The following FMN2 variants were observed in gnomAD, a reference collection of about 807,000 sequenced individuals.
FMN2 encodes the protein formin 2, also known as formin-2.
FMN2 carries 51 observed loss-of-function variants against 142.3 expected under a neutral mutation model. The ratio of observed to expected loss-of-function variants is 0.36; its 90% confidence interval spans 0.29 to 0.45. FMN2 has a LOEUF of 0.45. FMN2 is among the 20% of genes least tolerant of loss of function. The probability of loss-of-function intolerance (pLI) is 1.00; values close to 1 mark genes in which losing one functional copy is unlikely to be tolerated. For missense variants in FMN2, 1,936 were observed against 2,122.8 expected (o/e 0.91, Z 1.73); for synonymous variants, 882 against 869.8 (o/e 1.01, Z -0.25).
chr1:240,179,808 C>T (rs1388636587), intron 3 of FMN2, among the ~76,000 whole-genome samples: 2 of 152,240 alleles, frequency 1.3e-5, no homozygotes, highest in East Asian at 3.9e-4. Flanking sequence ...ATGGAGAGCC[C>T]TTTTATCCCA....
intron 2 of FMN2, among the ~76,000 whole-genome samples, chr1:240,159,256 G>A (rs1664158491): frequency 6.6e-6 from 1 of 151,822 alleles, no homozygotes; most frequent in Admixed American, 6.6e-5. Flanking sequence ...TGATACGCTG[G>A]GGTTTAAAGT....
chr1:240,165,631 AT>A (rs71170711), intron 2 of FMN2, among the ~76,000 whole-genome samples: 20,984 of 139,636 alleles, frequency 0.15, 2,410 homozygotes, highest in African/African-American at 0.34. Flanking sequence ...CCATTTTTCT[AT>A]TTTTTTTTTT....
intron 15 of FMN2, among the ~76,000 whole-genome samples, chr1:240,414,225 A>G (rs909332047): frequency 5.3e-5 from 8 of 152,150 alleles, no homozygotes; most frequent in Middle Eastern, 3.2e-3. Context: ...TTTTGTATCT[A>G]TATCTAAGAT....
intron 7 of FMN2, among the ~76,000 whole-genome samples, chr1:240,293,528 A>G (rs550056892): frequency 6.6e-6 from 1 of 152,266 alleles, no homozygotes; most frequent in East Asian, 1.9e-4. Context: ...TATCACAGCA[A>G]AATTATTAGC....
intron 2 of FMN2, among the ~76,000 whole-genome samples, chr1:240,131,660 G>A (rs987920460): frequency 6.6e-6 from 1 of 151,990 alleles, no homozygotes; most frequent in East Asian, 1.9e-4. Context: ...AGTGAGCCAA[G>A]ATCGCACTAT....
chr1:240,159,813 G>A (rs1033533891), intron 2 of FMN2, among the ~76,000 whole-genome samples: 36 of 150,536 alleles, frequency 2.4e-4, no homozygotes, highest in African/African-American at 8.3e-4. Context: ...TGGTATGAAT[G>A]TTTTTGCTCT....
At chr1:240,223,435 C>T (rs771529450) in intron 6 of FMN2, among the ~76,000 whole-genome samples, 12 of 152,074 alleles carry the variant, frequency 7.9e-5, no homozygotes, top group Non-Finnish European at 1.3e-4. Context: ...GGATATTGGC[C>T]TGAAATTTTT....
chr1:240,252,295 A>C lies in FMN2; in HGVS notation c.4066-5650A>C, dbSNP rs898552690. On this transcript the variant is annotated intron_variant, in intron 6 of 17. Transcript: ENST00000319653. ...CATCATTGTGGTTTTGTAGTTTTCT[A>C]TAGTGGCAACATTTGGATCCTTCCT... is the stretch of plus-strand genomic sequence containing the variant. Among the ~76,000 whole-genome samples the C allele has an allele frequency of 1.1e-4, 16 of 152,136 alleles. No individual in the cohort carries two copies. In the South Asian group the frequency reaches 1.7e-3, roughly 16 times the overall value.
intron 8 of FMN2, among the ~76,000 whole-genome samples, chr1:240,309,751 G>C (rs1371158282): frequency 6.6e-6 from 1 of 152,108 alleles, no homozygotes; most frequent in African/African-American, 2.4e-5. Flanking sequence ...AAGGGGGACC[G>C]GGAGCTGCTG....
Position 240,207,194 on chromosome 1 carries a change from A to G in FMN2, c.2382A>G (p.Ile794Met). 2.5e-6 allele frequency: 4 copies of G among 1,613,980 alleles called. No homozygotes were observed. The highest frequency in any genetic ancestry group is 3.4e-6 in the Non-Finnish European group (4 of 1,179,938). The change falls in exon 5 of 18, where the codon ATA (isoleucine) becomes ATG (methionine). Residue 794 changes from isoleucine (I) to methionine (M), a missense_variant. Physicochemically the swap from Ile to Met is conservative, Grantham distance 10. This residue lies in a region of FMN2 where 478 missense variants were observed against 462.8 expected (regional missense o/e 1.03). Transcript: ENST00000319653. ...EISLIVSPRR[I>M]SVQLDSHQPT... is the part of the protein sequence containing the mutation. ...CTTTGATTGTGTCTCCAAGGCGAATATCAGTCCAGCTCGACAGCCATCAGC... is the reference window on the plus strand; with the variant it reads ...CTTTGATTGTGTCTCCAAGGCGAATGTCAGTCCAGCTCGACAGCCATCAGC...
intron 4 of FMN2, among the ~76,000 whole-genome samples, chr1:240,197,437 A>G (rs1266858759): frequency 6.6e-6 from 1 of 152,074 alleles, no homozygotes; most frequent in South Asian, 2.1e-4. Flanking sequence ...TCCTGGATTT[A>G]TAGCCAGTTG....
At chr1:240,170,937 G>A in intron 2 of FMN2, 1 of 789,200 alleles carries the variant, frequency 1.3e-6, no homozygotes, top group Non-Finnish European at 2.3e-6. Context: ...TGCTCATTGA[G>A]CGGACTGATG....
chr1:240,255,255 T>A (rs1668412348), intron 6 of FMN2, among the ~76,000 whole-genome samples: 1 of 152,176 alleles, frequency 6.6e-6, no homozygotes, highest in African/African-American at 2.4e-5. Flanking sequence ...ATGTTCTCTC[T>A]TATGTGATCT....
At chr1:240,381,197 A>C (rs1449383808) in intron 14 of FMN2, among the ~76,000 whole-genome samples, 1 of 152,188 alleles carries the variant, frequency 6.6e-6, no homozygotes, top group South Asian at 2.1e-4. Context: ...TCAGGCTAGA[A>C]CACAACAACA....
intron 14 of FMN2, among the ~76,000 whole-genome samples, chr1:240,389,726 A>G (rs958199232): frequency 6.6e-6 from 1 of 152,142 alleles, no homozygotes; most frequent in Admixed American, 6.6e-5. Flanking sequence ...CCGAGACGGA[A>G]GGATTGCTTG....
intron 15 of FMN2, 93 bp downstream of exon 15, chr1:240,392,655 T>G: frequency 9.8e-7 from 1 of 1,018,256 alleles, no homozygotes; most frequent in South Asian, 1.7e-5. Context: ...AATTTTAATT[T>G]TCAAGCATAA....
intron 15 of FMN2, among the ~76,000 whole-genome samples, chr1:240,399,768 C>A (rs1395387869): frequency 2.6e-5 from 4 of 152,016 alleles, no homozygotes; most frequent in Admixed American, 2.6e-4. Context: ...GGCCCCAGTG[C>A]TTCCACTCTA....
intron 4 of FMN2, among the ~76,000 whole-genome samples, chr1:240,201,682 A>G (rs73112892): frequency 0.03 from 4,504 of 152,316 alleles, 233 homozygotes; most frequent in African/African-American, 0.1. Context: ...AAATTGTTTT[A>G]AATTAAAATG....
chr1:240,209,594 T>A (rs1190890561), intron 5 of FMN2, among the ~76,000 whole-genome samples: 1 of 150,820 alleles, frequency 6.6e-6, no homozygotes, highest in Non-Finnish European at 1.5e-5. Flanking sequence ...GGAGCATGAT[T>A]TAGTGCACAC....
Sources: gnomAD v4.1 joint callset for allele counts (sites outside exome capture counted in the v4.1 genomes callset) on GRCh38, gnomAD v4.1.1 for gene constraint, gnomAD v4.1.1 regional missense constraint, MANE v1.5 for transcripts, NCBI Gene and HGNC (gene_info 2026-07-23, HGNC 2026-07-21) for gene names.